The following RFX8 variants were observed in gnomAD, a reference collection of about 807,000 sequenced individuals.
RFX8 encodes the protein DNA-binding protein RFX8.
In RFX8, 46 loss-of-function variants were observed where a neutral mutation model predicts 54.6. That is an observed-to-expected ratio of 0.84 (90% CI 0.67 to 1.08). The LOEUF (loss-of-function observed/expected upper bound fraction) is 1.08, where lower values mean the gene tolerates loss of function less well. Among genes scored for constraint, RFX8 ranks in the 50% least tolerant of loss-of-function variants. RFX8 has a pLI of 0.00. For missense variants in RFX8, 536 were observed against 562.3 expected (o/e 0.95, Z 0.47); for synonymous variants, 192 against 209.5 (o/e 0.92, Z 0.72).
chr2:101,442,669 T>C (rs1161151356), intron 2 of RFX8, among the ~76,000 whole-genome samples: 1 of 152,224 alleles, frequency 6.6e-6, no homozygotes, highest in Non-Finnish European at 1.5e-5. Flanking sequence ...ATTTTTCCTT[T>C]GTTTTTTGTT....
chr2:101,409,024 T>C (rs1299992198), intron 9 of RFX8, among the ~76,000 whole-genome samples: 1 of 152,170 alleles, frequency 6.6e-6, no homozygotes, highest in Non-Finnish European at 1.5e-5. Flanking sequence ...GCTCCTTCCT[T>C]CCTGGGTAAA....
At chr2:101,404,054 T>G (rs535604159) in intron 10 of RFX8, among the ~76,000 whole-genome samples, 3 of 152,214 alleles carry the variant, frequency 2.0e-5, no homozygotes, top group Non-Finnish European at 1.5e-5. Flanking sequence ...ATTATCAGTT[T>G]GCTGCAACTT....
At chr2:101,449,265 A>G (rs1688553833) in intron 2 of RFX8, among the ~76,000 whole-genome samples, 1 of 152,184 alleles carries the variant, frequency 6.6e-6, no homozygotes. Context: ...AGGTAAGAAC[A>G]AGCACTCACG....
intron 2 of RFX8, chr2:101,452,441 C>T: frequency 7.4e-7 from 1 of 1,351,618 alleles, no homozygotes; most frequent in Non-Finnish European, 9.5e-7. Context: ...AAACCAATCT[C>T]ACAAGCTAAA....
intron 2 of RFX8, among the ~76,000 whole-genome samples, chr2:101,428,011 C>T (rs909223356): frequency 2.0e-5 from 3 of 151,952 alleles, no homozygotes; most frequent in Non-Finnish European, 4.4e-5. Context: ...ACCCTAATCC[C>T]GGCTGAGCGT....
intron 2 of RFX8, among the ~76,000 whole-genome samples, chr2:101,448,526 C>T (rs1333795634): frequency 6.6e-6 from 1 of 152,210 alleles, no homozygotes; most frequent in East Asian, 1.9e-4. Context: ...CCTTCATGAT[C>T]CCCTACCCAA....
intron 1 of RFX8, 57 bp downstream of exon 1, chr2:101,474,579 T>G: frequency 1.1e-5 from 3 of 276,438 alleles, no homozygotes; most frequent in Non-Finnish European, 2.0e-5. Context: ...CCCAGCGCCC[T>G]TCCCACCGGC....
At chr2:101,401,448 C>T (rs1685440420) in intron 11 of RFX8, among the ~76,000 whole-genome samples, 1 of 152,182 alleles carries the variant, frequency 6.6e-6, no homozygotes, top group African/African-American at 2.4e-5. Flanking sequence ...TAGGCTGTGA[C>T]TCACTGCCAC....
intron 2 of RFX8, among the ~76,000 whole-genome samples, chr2:101,437,161 T>C (rs1415605542): frequency 6.6e-6 from 1 of 152,234 alleles, no homozygotes; most frequent in African/African-American, 2.4e-5. Flanking sequence ...TAATTCAGGC[T>C]GGGTGCAGTG....
At chr2:101,399,828 T>TGG (rs1421840759) in intron 11 of RFX8, among the ~76,000 whole-genome samples, 21 of 152,198 alleles carry the variant, frequency 1.4e-4, no homozygotes, top group African/African-American at 4.8e-4. Flanking sequence ...AGGATTGCCC[T>TGG]TATCAGATTT....
chr2:101,411,500 G>A (rs975666966), intron 8 of RFX8, among the ~76,000 whole-genome samples: 3 of 9,386 alleles, frequency 3.2e-4, no homozygotes, highest in African/African-American at 7.7e-4. Context: ...CACCGGGCGG[G>A]GGAGGGGGTG....
intron 4 of RFX8, among the ~76,000 whole-genome samples, chr2:101,420,776 G>A (rs1270881171): frequency 2.6e-5 from 4 of 152,064 alleles, no homozygotes; most frequent in African/African-American, 9.7e-5. Flanking sequence ...GGCCTTCTCT[G>A]TTACCCTTCT....
In RFX8 at chr2:101,414,843, C is replaced by T. The variant is rs888925771; in HGVS notation, c.561+11G>A. 6.5e-7 allele frequency: 1 copy of T among 1,546,670 alleles called. No individual in the cohort carries two copies. Among genetic ancestry groups the T allele is most frequent in the Non-Finnish European group, 8.7e-7 (1 of 1,143,012 alleles). On this transcript the variant is annotated intron_variant, in intron 7 of 11. Coordinates refer to ENST00000428343, the MANE Select transcript of RFX8 (RefSeq NM_001145664.2). The stretch of plus-strand genomic sequence containing the variant: ...GCTTTGTTCCCTCCTATCTGCTTGG[C>T]TGAAGCCTACCTTAGCCATGTTGGA...
intron 8 of RFX8, among the ~76,000 whole-genome samples, chr2:101,412,658 C>A (rs560245844): frequency 6.6e-6 from 1 of 152,182 alleles, no homozygotes; most frequent in Non-Finnish European, 1.5e-5. Flanking sequence ...CTCATCTGAT[C>A]GTTTATGGAC....
At chr2:101,467,321 C>T (rs1431558418) in intron 1 of RFX8, among the ~76,000 whole-genome samples, 1 of 152,180 alleles carries the variant, frequency 6.6e-6, no homozygotes, top group Non-Finnish European at 1.5e-5. Context: ...TAAGTCCTAT[C>T]ACCCCTGCAG....
At chr2:101,425,540 T>C (rs1687121724) in intron 2 of RFX8, among the ~76,000 whole-genome samples, 1 of 152,160 alleles carries the variant, frequency 6.6e-6, no homozygotes, top group Non-Finnish European at 1.5e-5. Context: ...CATCTGACAA[T>C]GTACTGTTAA....
At chr2:101,448,917 T>C (rs11123883) in intron 2 of RFX8, among the ~76,000 whole-genome samples, 45,637 of 152,168 alleles carry the variant, frequency 0.3, 7,242 homozygotes, top group Middle Eastern at 0.37. Context: ...GAATGCTGGT[T>C]GTATGGATGG....
intron 9 of RFX8, among the ~76,000 whole-genome samples, chr2:101,408,804 T>C (rs974613546): frequency 2.0e-5 from 3 of 152,144 alleles, no homozygotes; most frequent in East Asian, 1.9e-4. Context: ...GTCTAGGAGG[T>C]TGAAGATCCC....
chr2:101,401,321 C>G (rs1284709739), intron 11 of RFX8, among the ~76,000 whole-genome samples: 1 of 152,022 alleles, frequency 6.6e-6, no homozygotes, highest in Non-Finnish European at 1.5e-5. Context: ...AAGCATTGCT[C>G]AGTAACAGGT....
Sources: gnomAD v4.1 joint callset for allele counts (sites outside exome capture counted in the v4.1 genomes callset) on GRCh38, gnomAD v4.1.1 for gene constraint, MANE v1.5 for transcripts, NCBI Gene and HGNC (gene_info 2026-07-23, HGNC 2026-07-21) for gene names.